Variants in MMS22L observed in about 807,000 individuals in gnomAD.
The protein encoded by MMS22L is MMS22 like, DNA repair protein.
MMS22L carries 74 observed loss-of-function variants against 159.1 expected under a neutral mutation model. The ratio of observed to expected loss-of-function variants is 0.47; its 90% CI spans 0.39 to 0.56. MMS22L has a LOEUF of 0.56. Among genes scored for constraint, MMS22L ranks in the 20% least tolerant of loss-of-function variants. The pLI is 0.00. For missense variants in MMS22L, 1,351 were observed against 1,422.1 expected (o/e 0.95, Z 0.80); for synonymous variants, 517 against 506.9 (o/e 1.02, Z -0.27).
At chr6:97,164,304 T>C (rs566968815) in intron 21 of MMS22L, among the ~76,000 whole-genome samples, 2 of 151,356 alleles carry the variant, frequency 1.3e-5, no homozygotes, top group South Asian at 2.1e-4. Context: ...GTAACAGATA[T>C]TATTGGGTCA....
At chr6:97,268,805 CAT>C (rs748453769) in intron 7 of MMS22L, among the ~76,000 whole-genome samples, 2 of 151,956 alleles carry the variant, frequency 1.3e-5, no homozygotes, top group Non-Finnish European at 2.9e-5. Context: ...ACAGAGTCCA[CAT>C]GAGAGGAAAT....
chr6:97,212,159 C>T (rs1808453346), intron 14 of MMS22L, among the ~76,000 whole-genome samples: 1 of 152,164 alleles, frequency 6.6e-6, no homozygotes, highest in African/African-American at 2.4e-5. Flanking sequence ...TTAAGAGCAG[C>T]ATTCTGATTT....
chr6:97,181,579 A>C (rs1036669881), intron 16 of MMS22L, among the ~76,000 whole-genome samples: 6 of 152,174 alleles, frequency 3.9e-5, no homozygotes, highest in Admixed American at 2.0e-4. Context: ...TATCTTACAG[A>C]TTCAGTAATA....
chr6:97,272,085 T>C (rs1228193290), intron 6 of MMS22L: 4 of 152,248 alleles, frequency 2.6e-5, no homozygotes, highest in Non-Finnish European at 4.4e-5. Flanking sequence ...TGAATTACCA[T>C]AATTTGTTAT....
intron 7 of MMS22L, among the ~76,000 whole-genome samples, chr6:97,269,104 G>T (rs1815462877): frequency 6.6e-6 from 1 of 151,622 alleles, no homozygotes; most frequent in Non-Finnish European, 1.5e-5. Context: ...TAAAAAAAGA[G>T]GAAAATTTGC....
intron 11 of MMS22L, among the ~76,000 whole-genome samples, chr6:97,234,897 T>C (rs1232620543): frequency 1.3e-5 from 2 of 152,040 alleles, no homozygotes; most frequent in Admixed American, 6.6e-5. Flanking sequence ...AGAAAATGAG[T>C]GGAAAGTTCC....
intron 8 of MMS22L, chr6:97,264,653 A>G (rs1263756296): frequency 6.6e-6 from 1 of 152,164 alleles, no homozygotes; most frequent in African/African-American, 2.4e-5. Flanking sequence ...AAACCTCTAA[A>G]GACATCACCA....
At chr6:97,277,469 A>T (rs1223644558) in intron 4 of MMS22L, among the ~76,000 whole-genome samples, 1 of 152,066 alleles carries the variant, frequency 6.6e-6, no homozygotes, top group African/African-American at 2.4e-5. Context: ...ATTACAGTGA[A>T]ACAAGACAAA....
In MMS22L at chr6:97,162,737, C is replaced by T. The variant is rs184960654; in HGVS notation, c.3222-572G>A. 4.2e-3 allele frequency among the ~76,000 whole-genome samples: 637 copies of T among 151,970 alleles called. 3 individuals carry two copies. Among genetic ancestry groups the T allele is most frequent in the African/African-American group, 0.014 (591 of 41,488 alleles). Reference sequence around the variant, plus strand: ...TTTAGCATTATCTCTCAAGACAAGACAAAATTTAGTACTAGAACTCAAGAG... The same window carrying T: ...TTTAGCATTATCTCTCAAGACAAGATAAAATTTAGTACTAGAACTCAAGAG... On this transcript the variant is annotated intron_variant, in intron 21 of 24. Coordinates refer to ENST00000683635, the MANE Select transcript of MMS22L (RefSeq NM_001350599.2).
intron 14 of MMS22L, among the ~76,000 whole-genome samples, chr6:97,204,937 CTTTTTTTT>C (rs1222516541): frequency 9.5e-5 from 5 of 52,360 alleles, no homozygotes; most frequent in African/African-American, 3.1e-4. Context: ...TGTACAGTGT[CTTTTTTTT>C]TTTTTTTTTT....
chr6:97,171,095 T>A (rs1372678619), intron 19 of MMS22L, among the ~76,000 whole-genome samples: 1 of 152,158 alleles, frequency 6.6e-6, no homozygotes, highest in Admixed American at 6.6e-5. Context: ...CCATAAATAT[T>A]TATATAGTAT....
In MMS22L at chr6:97,179,374, C is replaced by A. The variant is rs767080902; in HGVS notation, c.2536+34G>T. Reference sequence around the variant, plus strand: ...ACAGCAAATAGCTTTCCATAGATACCCCCATCCTCCCCAAAAAACGTACAC... The same window carrying A: ...ACAGCAAATAGCTTTCCATAGATACACCCATCCTCCCCAAAAAACGTACAC... On this transcript the variant is annotated intron_variant, in intron 17 of 24. Transcript: ENST00000683635. 4.4e-6 allele frequency: 7 copies of A among 1,589,454 alleles called. No individual in the cohort carries two copies. The East Asian group carries it at 1.1e-4, about 26-fold the overall frequency.
intron 2 of MMS22L, 79 bp from the exon 3 acceptor site, chr6:97,281,441 G>T: frequency 8.3e-7 from 1 of 1,209,198 alleles, no homozygotes; most frequent in South Asian, 1.5e-5. Context: ...TACATTATTT[G>T]AATCCATATT....
chr6:97,189,551 C>CAAAAA (rs67620002), intron 14 of MMS22L, among the ~76,000 whole-genome samples: 5 of 55,218 alleles, frequency 9.1e-5, no homozygotes, highest in Non-Finnish European at 1.5e-4. Context: ...ACTCTGTCTC[C>CAAAAA]AAAAAAAAAA....
rs1562382543 is a variant in MMS22L, at chr6:97,145,027, CACACACACA to C, written c.*1770_*1778del. The C allele has an allele frequency of 8.4e-6, 1 of 118,882 alleles. No individual in the cohort carries two copies. Among genetic ancestry groups the C allele is most frequent in the Non-Finnish European group, 1.7e-5 (1 of 59,612 alleles). The allele number at this position is 118,882 out of a possible 1,614,324, so 7.4% of individuals were successfully genotyped here. On this transcript the variant is annotated 3_prime_UTR_variant, in exon 25 of 25. Transcript: ENST00000683635. Reference sequence around the variant, plus strand: ...ATCTCCTTTGGAAAAAAAAAACCCACACACACACACACACACACACACACACACACACAC... The same window carrying C: ...ATCTCCTTTGGAAAAAAAAAACCCACCACACACACACACACACACACACAC...
intron 12 of MMS22L, among the ~76,000 whole-genome samples, chr6:97,233,554 G>A (rs1811087786): frequency 6.6e-6 from 1 of 152,112 alleles, no homozygotes; most frequent in Non-Finnish European, 1.5e-5. Flanking sequence ...CCTGTTCAAT[G>A]TGTCATGAGC....
At chr6:97,218,949 T>C (rs1161042409) in intron 14 of MMS22L, among the ~76,000 whole-genome samples, 1 of 152,126 alleles carries the variant, frequency 6.6e-6, no homozygotes, top group Non-Finnish European at 1.5e-5. Context: ...AGCAGAAATC[T>C]TCACATGACA....
At chr6:97,156,836 G>GT (rs1471078059) in intron 22 of MMS22L, among the ~76,000 whole-genome samples, 4 of 151,928 alleles carry the variant, frequency 2.6e-5, no homozygotes, top group South Asian at 2.1e-4. Flanking sequence ...ATTTAAAATA[G>GT]TTTTTTTTCC....
At chr6:97,208,910 G>A (rs979669399) in intron 14 of MMS22L, among the ~76,000 whole-genome samples, 1 of 151,802 alleles carries the variant, frequency 6.6e-6, no homozygotes, top group Non-Finnish European at 1.5e-5. Context: ...CATTTAACCC[G>A]TCCCAACTTC....
Sources: gnomAD v4.1 joint callset for allele counts (sites outside exome capture counted in the v4.1 genomes callset) on GRCh38, gnomAD v4.1.1 for gene constraint, MANE v1.5 for transcripts, NCBI Gene and HGNC (gene_info 2026-07-23, HGNC 2026-07-21) for gene names.